NKAIN2: variants seen among roughly 807,000 people sequenced by gnomAD.
NKAIN2 encodes sodium/potassium-transporting ATPase subunit beta-1-interacting protein 2.
NKAIN2 carries 14 observed loss-of-function variants against 32.6 expected under a neutral mutation model. The ratio of observed to expected loss-of-function variants is 0.43; its 90% CI spans 0.28 to 0.67. NKAIN2 has a LOEUF of 0.67. NKAIN2 is among the 30% of genes least tolerant of loss of function. The pLI, the probability that NKAIN2 is intolerant of heterozygous loss-of-function variation, is 0.17. For synonymous variants in NKAIN2, 80 were observed against 87.2 expected, an observed-to-expected ratio of 0.92 and a Z score of 0.46; for missense variants, 198 against 258.3, an observed-to-expected ratio of 0.77 and a Z score of 1.60.
intron 3 of NKAIN2, among the ~76,000 whole-genome samples, chr6:124,570,167 A>C (rs1781072576): frequency 6.6e-6 from 1 of 152,232 alleles, no homozygotes; most frequent in Non-Finnish European, 1.5e-5. Flanking sequence ...GCAGCAAAGC[A>C]TTCAAAAGCT....
chr6:124,139,079 A>AATTTTTT (rs1457805240), intron 1 of NKAIN2, among the ~76,000 whole-genome samples: 3 of 99,496 alleles, frequency 3.0e-5, no homozygotes, highest in East Asian at 3.3e-4. Flanking sequence ...TTAAATAAAA[A>AATTTTTT]TTTTTTTTTT....
intron 2 of NKAIN2, among the ~76,000 whole-genome samples, chr6:124,312,851 C>G (rs1796781360): frequency 6.6e-6 from 1 of 152,258 alleles, no homozygotes; most frequent in Non-Finnish European, 1.5e-5. Context: ...GTTATGGGGC[C>G]AGACCTATAT....
At chr6:123,898,423 A>G (rs1025441379) in intron 1 of NKAIN2, among the ~76,000 whole-genome samples, 1 of 152,210 alleles carries the variant, frequency 6.6e-6, no homozygotes, top group African/African-American at 2.4e-5. Context: ...ATGGATGAAA[A>G]TACATAAGCA....
chr6:124,735,908 G>C (rs1057194174), intron 4 of NKAIN2, among the ~76,000 whole-genome samples: 1 of 151,760 alleles, frequency 6.6e-6, no homozygotes, highest in Non-Finnish European at 1.5e-5. Context: ...AGGCCAATTA[G>C]TAACCCTACA....
chr6:124,282,268 G>T, intron 1 of NKAIN2: 1 of 363,396 alleles, frequency 2.8e-6, no homozygotes. Flanking sequence ...ATCGACTTAA[G>T]TGTCTTGCTT....
intron 1 of NKAIN2, among the ~76,000 whole-genome samples, chr6:124,246,155 C>T (rs1793384153): frequency 6.6e-6 from 1 of 152,024 alleles, no homozygotes; most frequent in Non-Finnish European, 1.5e-5. Flanking sequence ...GCTAAGGGAA[C>T]TAATAAGATA....
chr6:124,710,420 G>A (rs1775381273), intron 4 of NKAIN2, among the ~76,000 whole-genome samples: 1 of 150,488 alleles, frequency 6.6e-6, no homozygotes, highest in African/African-American at 2.4e-5. Flanking sequence ...GTCTAATGTT[G>A]ACAGTGGGGT....
intron 1 of NKAIN2, among the ~76,000 whole-genome samples, chr6:124,219,317 GC>G (rs1562430412): frequency 4.8e-5 from 7 of 144,492 alleles, no homozygotes; most frequent in African/African-American, 7.8e-5. Context: ...TTGCTCTGTC[GC>G]CCAGGCTGGA....
At chr6:124,799,256 T>C (rs1780148574) in intron 5 of NKAIN2, among the ~76,000 whole-genome samples, 1 of 152,190 alleles carries the variant, frequency 6.6e-6, no homozygotes, top group Non-Finnish European at 1.5e-5. Context: ...TTTCACATAA[T>C]CTCCCCAGAT....
chr6:124,476,109 C>T (rs1302875857), intron 3 of NKAIN2, among the ~76,000 whole-genome samples: 5 of 137,686 alleles, frequency 3.6e-5, no homozygotes, highest in South Asian at 2.4e-4. Context: ...CGTGCGCGCG[C>T]GCATGCATGT....
chr6:124,412,153 G>T (rs539044111), intron 3 of NKAIN2, among the ~76,000 whole-genome samples: 3 of 152,024 alleles, frequency 2.0e-5, no homozygotes, highest in Admixed American at 6.6e-5. Flanking sequence ...GGAGTAGTTC[G>T]ATCTTCTGAA....
At position 123,804,079 on chromosome 6, in the gene NKAIN2, G is replaced by T. The variant is rs1468525664; in HGVS notation, c.-122G>T. 3.5e-5 allele frequency: 31 copies of T among 891,374 alleles called. No individual in the cohort carries two copies. Among genetic ancestry groups the T allele is most frequent in the South Asian group, 3.1e-4 (23 of 75,106 alleles). 55.2% of individuals were successfully genotyped at this position (891,374 alleles called of 1,614,324 possible). A position where few individuals can be genotyped will look rare whatever the true frequency, so the allele number is the denominator to read the frequency against. ...TCCCAGGACGCTGGCAGCAGCAGCA[G>T]CCCGGAGCCCCCGAGCCCTCGGCAG... On this transcript the variant is annotated 5_prime_UTR_variant, in exon 1 of 7. Coordinates refer to ENST00000368417, the MANE Select transcript of NKAIN2 (RefSeq NM_001040214.3).
intron 1 of NKAIN2, among the ~76,000 whole-genome samples, chr6:124,217,928 G>A (rs922129790): frequency 4.6e-5 from 7 of 152,008 alleles, no homozygotes; most frequent in African/African-American, 1.4e-4. Flanking sequence ...AATCAGTTGT[G>A]TTTCATATAA....
chr6:124,402,729 C>G (rs1773679315), intron 3 of NKAIN2, among the ~76,000 whole-genome samples: 1 of 152,128 alleles, frequency 6.6e-6, no homozygotes, highest in Admixed American at 6.5e-5. Context: ...CATGTTCTCA[C>G]TTATAAGTGG....
intron 3 of NKAIN2, among the ~76,000 whole-genome samples, chr6:124,403,712 A>C (rs541908088): frequency 6.6e-6 from 1 of 152,274 alleles, no homozygotes; most frequent in Admixed American, 6.5e-5. Context: ...AGAAATCAAA[A>C]ACAGATAAAT....
At chr6:124,452,062 G>A (rs1776129583) in intron 3 of NKAIN2, among the ~76,000 whole-genome samples, 1 of 152,098 alleles carries the variant, frequency 6.6e-6, no homozygotes, top group Non-Finnish European at 1.5e-5. Context: ...TGGTGCAGTG[G>A]TGTATGCCTA....
rs538855141 is a variant in NKAIN2 at position 124,752,795 on chromosome 6, T to C, written c.475-38544T>C. On this transcript the variant is annotated intron_variant, in intron 4 of 6. Coordinates refer to ENST00000368417, the MANE Select transcript of NKAIN2 (RefSeq NM_001040214.3). ...TGTAGGAAGAAATGAATTCTGCTTG[T>C]GAAATGAATGAATTCTATTTTTGAA... Among the ~76,000 whole-genome samples, 263 of 152,190 alleles carry C rather than the reference T, an allele frequency of 1.7e-3. 3 individuals carry two copies. Among genetic ancestry groups the C allele is most frequent in the African/African-American group, 5.8e-3 (243 of 41,552 alleles).
At chr6:124,293,172 A>G (rs1583002938) in intron 2 of NKAIN2, among the ~76,000 whole-genome samples, 1 of 152,130 alleles carries the variant, frequency 6.6e-6, no homozygotes, top group South Asian at 2.1e-4. Flanking sequence ...AAGAATAGCT[A>G]ATAATATTTT....
chr6:124,347,788 C>T (rs1233340540), intron 2 of NKAIN2, among the ~76,000 whole-genome samples: 1 of 152,174 alleles, frequency 6.6e-6, no homozygotes, highest in African/African-American at 2.4e-5. Context: ...GAATTTCCTC[C>T]TGTAGCTCGG....
Sources: gnomAD v4.1 joint callset for allele counts (sites outside exome capture counted in the v4.1 genomes callset) on GRCh38, gnomAD v4.1.1 for gene constraint, MANE v1.5 for transcripts, NCBI Gene and HGNC (gene_info 2026-07-23, HGNC 2026-07-21) for gene names.